MUC17: variants seen among roughly 807,000 people sequenced by gnomAD.
MUC17 encodes the protein mucin-17.
MUC17 carries 190 observed loss-of-function variants against 170.3 expected under a neutral mutation model. The observed-to-expected ratio is 1.12, with a 90% CI of 0.99 to 1.26. The LOEUF is 1.26. Among genes scored for constraint, MUC17 ranks in the 50% most tolerant of loss-of-function variants. MUC17 has a pLI of 0.00. For missense variants in MUC17, 6,415 were observed against 5,530.0 expected (o/e 1.16, Z -5.08); for synonymous variants, 2,325 against 2,002.5 (o/e 1.16, Z -4.30).
intron 1 of MUC17, among the ~76,000 whole-genome samples, chr7:101,025,175 G>C (rs957003443): frequency 4.6e-5 from 7 of 151,604 alleles, no homozygotes; most frequent in Admixed American, 4.6e-4. Flanking sequence ...GACCAGCCTG[G>C]GCAACACAGG....
At position 101,048,088 on chromosome 7, in the gene MUC17, G is replaced by A. The variant is rs1794873779; in HGVS notation, c.12508G>A (p.Glu4170Lys). 3 of 1,604,300 alleles carry A rather than the reference G, an allele frequency of 1.9e-6. No homozygotes were observed. The highest frequency in any genetic ancestry group is 2.2e-5 in the South Asian group (2 of 89,502). ...CAACCTCTATTATGGGGAGTTGTGT[G>A]AGGAGGTGGTCAGCAGCATTGACAT... ...CPNLYYGELCEEVVSSIDIGP... is the reference protein window; with the variant it reads ...CPNLYYGELCKEVVSSIDIGP... Residue 4170 changes from glutamate (E) to lysine (K), a missense_variant, in exon 4 of 13, where the codon GAG (glutamate) becomes AAG (lysine). By Grantham distance (56) the Glu-to-Lys change is moderately conservative. Transcript: ENST00000306151.
At chr7:101,051,103 C>T (rs768518361) in intron 7 of MUC17, among the ~76,000 whole-genome samples, 3 of 151,872 alleles carry the variant, frequency 2.0e-5, no homozygotes, top group Non-Finnish European at 2.9e-5. Context: ...TGGTGGCTCA[C>T]GCCTGTAATC....
At chr7:101,044,499 A>C (rs1052595128) in intron 3 of MUC17, among the ~76,000 whole-genome samples, 6 of 152,198 alleles carry the variant, frequency 3.9e-5, no homozygotes, top group Non-Finnish European at 7.3e-5. Flanking sequence ...TAAAACCTGC[A>C]TCAAGGTTTT....
Position 101,053,097 on chromosome 7 carries a change from C to T in MUC17, c.13215C>T (p.Ile4405=). The T allele has an allele frequency of 1.9e-6, 3 of 1,614,108 alleles. No individual in the cohort carries two copies. The highest frequency in any genetic ancestry group is 8.5e-7 in the Non-Finnish European group (1 of 1,180,026). Residue 4405 remains isoleucine, a synonymous_variant, in exon 10 of 13, where the codon ATC becomes ATT. Coordinates refer to ENST00000306151, the MANE Select transcript of MUC17 (RefSeq NM_001040105.2). ...VGAGVVLMLI[I]LVALLMLVFR... ...CAGGGGTCGTGCTGATGCTGATCAT[C>T]CTGGTAGCTCTCCTGATGCTCGTTT...
Position 101,040,244 on chromosome 7 carries a change from C to T in MUC17, c.8828C>T (p.Ser2943Phe). 6.2e-7 allele frequency: 1 copy of T among 1,611,438 alleles called. No individual in the cohort carries two copies. The highest frequency in any genetic ancestry group is 8.5e-7 in the Non-Finnish European group (1 of 1,178,850). The part of the protein sequence containing the change: ...ILVSTVPVAG[S>F]EASTLSTTPV... ...GTCAGCACCGTGCCAGTGGCCGGTT[C>T]TGAGGCTAGCACCCTTTCAACAACT... The change falls in exon 3 of 13, where the codon TCT becomes TTT. Residue 2943 changes from serine (S) to phenylalanine (F), a missense_variant. Transcript: ENST00000306151.
In MUC17 at chr7:101,048,128, C is replaced by A; in HGVS notation, c.12535+13C>A. 1 of 1,555,730 alleles carries A rather than the reference C, an allele frequency of 6.4e-7. No homozygotes were observed. The highest frequency in any genetic ancestry group is 8.7e-7 in the Non-Finnish European group (1 of 1,151,312). On this transcript the variant is annotated intron_variant, in intron 4 of 12. Transcript: ENST00000306151. The stretch of plus-strand genomic sequence containing the variant: ...AGCATTGACATAGGTGAGTGCAACC[C>A]CAGGCCTTCCCCCACCCCATGCCCT...
intron 11 of MUC17, chr7:101,053,725 A>G: frequency 5.0e-6 from 1 of 198,942 alleles, no homozygotes; most frequent in Non-Finnish European, 1.0e-5. Flanking sequence ...TGAAAATACA[A>G]AAAAATTAGC....
In MUC17 at chr7:101,033,358, A is replaced by T; in HGVS notation, c.1942A>T (p.Thr648Ser). Reference protein sequence around the residue: ...TTLVASSEASTLSTTPVDSNT... With the variant: ...TTLVASSEASSLSTTPVDSNT... ...ACTGGTGGCCAGTTCTGAGGCTAGC[A>T]CCCTTTCAACAACTCCTGTTGACTC... The change falls in exon 3 of 13, where the codon ACC (threonine) becomes TCC (serine). Residue 648 changes from threonine to serine, a missense_variant. Physicochemically the swap from Thr to Ser is moderately conservative, Grantham distance 58. Transcript: ENST00000306151. 1 of 1,613,882 alleles carries T rather than the reference A, an allele frequency of 6.2e-7. No individual in the cohort carries two copies. Among genetic ancestry groups the T allele is most frequent in the Non-Finnish European group, 8.5e-7 (1 of 1,179,834 alleles).
rs751201961 is a variant in MUC17, at chr7:101,036,518, C to G, written c.5102C>G (p.Pro1701Arg). 1.2e-6 allele frequency: 2 copies of G among 1,607,754 alleles called. No individual in the cohort carries two copies. The highest frequency in any genetic ancestry group is 1.7e-6 in the Non-Finnish European group (2 of 1,177,432). Reference protein sequence around the residue: ...PLTSITVRTTPVASSAISTLS... With the variant: ...PLTSITVRTTRVASSAISTLS... Reference sequence around the variant, plus strand: ...ACAAGTATAACTGTCAGAACAACACCGGTGGCCAGCTCTGCAATCAGCACC... The same window carrying G: ...ACAAGTATAACTGTCAGAACAACACGGGTGGCCAGCTCTGCAATCAGCACC... Residue 1701 changes from proline (P) to arginine (R), a missense_variant, in exon 3 of 13, where the codon CCG becomes CGG. Coordinates refer to ENST00000306151, the MANE Select transcript of MUC17 (RefSeq NM_001040105.2).
Position 101,035,458 on chromosome 7 carries a change from C to G in MUC17, c.4042C>G (p.Leu1348Val). ...PLTSIPVNTT[L>V]VASSAISILS... is the part of the protein sequence containing the mutation. ...AACAAGTATACCTGTCAACACCACA[C>G]TGGTGGCCAGTTCTGCAATCAGCAT... Residue 1348 changes from leucine (L) to valine (V), a missense_variant, in exon 3 of 13, where the codon CTG becomes GTG. Transcript: ENST00000306151. 3 of 1,602,084 alleles carry G rather than the reference C, an allele frequency of 1.9e-6. No individual in the cohort carries two copies. Among genetic ancestry groups the G allele is most frequent in the Non-Finnish European group, 2.6e-6 (3 of 1,172,342 alleles).
At chr7:101,044,315 T>C (rs1794797265) in intron 3 of MUC17, among the ~76,000 whole-genome samples, 2 of 152,006 alleles carry the variant, frequency 1.3e-5, no homozygotes, top group African/African-American at 4.8e-5. Context: ...GAGAAAAAAA[T>C]CAAACAACCC....
Position 101,043,347 on chromosome 7 carries a change from C to T in MUC17, c.11931C>T (p.Ser3977=). 1 of 1,614,194 alleles carries T rather than the reference C, an allele frequency of 6.2e-7. No homozygotes were observed. Among genetic ancestry groups the T allele is most frequent in the Non-Finnish European group, 8.5e-7 (1 of 1,180,040 alleles). Residue 3977 remains serine (S), a synonymous_variant, in exon 3 of 13, where the codon TCC becomes TCT. Coordinates refer to ENST00000306151, the MANE Select transcript of MUC17 (RefSeq NM_001040105.2). Reference sequence around the variant, plus strand: ...CTGAACTAAACACACCATCAACCTCCAGTAGTAGTACCACCACATCTTTTT... The same window carrying T: ...CTGAACTAAACACACCATCAACCTCTAGTAGTAGTACCACCACATCTTTTT... ...TSTELNTPST[S]SSSTTTSFST...
chr7:101,035,170 A>T lies in MUC17; in HGVS notation c.3754A>T (p.Thr1252Ser), dbSNP rs1235452349. The change falls in exon 3 of 13, where the codon ACT becomes TCT. Residue 1252 changes from threonine to serine, a missense_variant. By Grantham distance (58) the Thr-to-Ser change is moderately conservative (BLOSUM62 1). Coordinates refer to ENST00000306151, the MANE Select transcript of MUC17 (RefSeq NM_001040105.2). Reference sequence around the variant, plus strand: ...CGTTGACACCAGCACACCTGTGACCACTTCTGCTGAAACCAGTTCCTCTCC... The same window carrying T: ...CGTTGACACCAGCACACCTGTGACCTCTTCTGCTGAAACCAGTTCCTCTCC... ...SPVDTSTPVT[T>S]SAETSSSPTT... The T allele has an allele frequency of 6.2e-7, 1 of 1,610,594 alleles. No homozygotes were observed. Among genetic ancestry groups the T allele is most frequent in the Non-Finnish European group, 8.5e-7 (1 of 1,178,272 alleles).
At chr7:101,050,730 A>G in intron 7 of MUC17, 95 bp downstream of exon 7, 1 of 1,488,490 alleles carries the variant, frequency 6.7e-7, no homozygotes, top group Middle Eastern at 1.9e-4. Context: ...AGGATGGTTA[A>G]TGGGTGGGTG....
rs1489253375 is a variant in MUC17, at chr7:101,040,679, C to G, written c.9263C>G (p.Thr3088Arg). ...VTSTEVSSSP[T>R]PAEGTSMPIS... ...TCTACTGAAGTCAGTTCATCTCCTA[C>G]ACCTGCTGAAGGTACCAGCATGCCA... The change falls in exon 3 of 13, where the codon ACA becomes AGA. Residue 3088 changes from threonine (T) to arginine (R), a missense_variant. Physicochemically the swap from Thr to Arg is moderately conservative, Grantham distance 71. Coordinates refer to ENST00000306151, the MANE Select transcript of MUC17 (RefSeq NM_001040105.2). The G allele has an allele frequency of 3.7e-6, 6 of 1,613,182 alleles. No individual in the cohort carries two copies. The highest frequency in any genetic ancestry group is 1.7e-4 in the Middle Eastern group (1 of 6,058).
Position 101,037,664 on chromosome 7 carries a change from C to T in MUC17, c.6248C>T (p.Ser2083Leu). 1 of 1,613,782 alleles carries T rather than the reference C, an allele frequency of 6.2e-7. No individual in the cohort carries two copies. Among genetic ancestry groups the T allele is most frequent in the Non-Finnish European group, 8.5e-7 (1 of 1,179,850 alleles). Reference sequence around the variant, plus strand: ...GTGACCAATTCTACTGAAGCCAGTTCATCTGCAACCGCTGAAGGTAGCAGC... The same window carrying T: ...GTGACCAATTCTACTGAAGCCAGTTTATCTGCAACCGCTGAAGGTAGCAGC... ...TQVTNSTEASSSATAEGSSMT... is the reference protein window; with the variant it reads ...TQVTNSTEASLSATAEGSSMT... The change falls in exon 3 of 13, where the codon TCA becomes TTA. Residue 2083 changes from serine to leucine, a missense_variant. Ser to Leu is a moderately radical substitution (Grantham distance 145). Coordinates refer to ENST00000306151, the MANE Select transcript of MUC17 (RefSeq NM_001040105.2).
Position 101,031,635 on chromosome 7 carries a change from T to C in MUC17, c.219T>C (p.Ser73=), listed in dbSNP as rs767090327. 6.4e-6 allele frequency: 10 copies of C among 1,554,838 alleles called. No homozygotes were observed. Among genetic ancestry groups the C allele is most frequent in the Middle Eastern group, 1.7e-4 (1 of 5,744 alleles). ...CAAACACCGCCACAGGTACAACATC[T>C]ACAAATGTCGTGGAGCCAAGAATGT... is the stretch of plus-strand genomic sequence containing the variant. ...SAANTATGTT[S]TNVVEPRMYL... The change falls in exon 3 of 13, where the codon TCT becomes TCC. Residue 73 remains serine, a synonymous_variant. Coordinates refer to ENST00000306151, the MANE Select transcript of MUC17 (RefSeq NM_001040105.2).
Position 101,039,821 on chromosome 7 carries a change from C to A in MUC17, c.8405C>A (p.Thr2802Asn). 1 of 1,590,734 alleles carries A rather than the reference C, an allele frequency of 6.3e-7. No individual in the cohort carries two copies. Among genetic ancestry groups the A allele is most frequent in the Non-Finnish European group, 8.6e-7 (1 of 1,168,876 alleles). Residue 2802 changes from threonine (T) to asparagine (N), a missense_variant, in exon 3 of 13, where the codon ACC (threonine) becomes AAC (asparagine). Transcript: ENST00000306151. ...PTTAEVTSMP[T>N]STPSETSTPL... ...ACTGCTGAAGTTACCAGCATGCCAACCTCAACTCCTAGTGAAACAAGTACT... is the reference window on the plus strand; with the variant it reads ...ACTGCTGAAGTTACCAGCATGCCAAACTCAACTCCTAGTGAAACAAGTACT...
At position 101,041,643 on chromosome 7, in the gene MUC17, G is replaced by C; in HGVS notation, c.10227G>C (p.Thr3409=). 2 of 1,610,692 alleles carry C rather than the reference G, an allele frequency of 1.2e-6. No homozygotes were observed. The highest frequency in any genetic ancestry group is 2.2e-5 in the South Asian group (2 of 90,810). The change falls in exon 3 of 13, where the codon ACG becomes ACC. Residue 3409 remains threonine, a synonymous_variant. Coordinates refer to ENST00000306151, the MANE Select transcript of MUC17 (RefSeq NM_001040105.2). ...TPLASMPVST[T]PVVSSEVNTL... The stretch of plus-strand genomic sequence containing the variant: ...TAGCAAGTATGCCTGTCAGCACCAC[G>C]CCGGTGGTCAGTTCTGAGGTTAACA...
Sources: gnomAD v4.1 joint callset for allele counts (sites outside exome capture counted in the v4.1 genomes callset) on GRCh38, gnomAD v4.1.1 for gene constraint, MANE v1.5 for transcripts, NCBI Gene and HGNC (gene_info 2026-07-23, HGNC 2026-07-21) for gene names.